PGPEP1L: variants seen among roughly 807,000 people sequenced by gnomAD.
The protein encoded by PGPEP1L is pyroglutamyl-peptidase I like, also known as pyroglutamyl-peptidase 1-like protein.
In PGPEP1L, 7 loss-of-function variants were observed where a neutral mutation model predicts 6.0. That is an observed-to-expected ratio of 1.17 (90% CI 0.66 to 2.19). PGPEP1L has a LOEUF of 2.19. PGPEP1L is among the 30% of genes most tolerant of loss of function. The probability of loss-of-function intolerance (pLI) is 0.00; values close to 1 mark genes in which losing one functional copy is unlikely to be tolerated. For synonymous variants in PGPEP1L, 103 were observed against 83.9 expected (o/e 1.23, Z -1.24); for missense variants, 209 against 192.5 (o/e 1.09, Z -0.51).
chr15:98,996,631 GTT>G (rs549468497), intron 2 of PGPEP1L, among the ~76,000 whole-genome samples: 320 of 151,656 alleles, frequency 2.1e-3, no homozygotes, highest in African/African-American at 7.4e-3. Flanking sequence ...GTGTATGTGT[GTT>G]GTGTGCATGT....
In PGPEP1L at chr15:98,993,123, AAG is replaced by A. The variant is rs1237956978; in HGVS notation, c.-142+12304_-142+12305del. ...TGACAAATGGGATCTAATTAAACTA[AAG>A]AGATTCAGCATAGCAAAAGAAACTA... On this transcript the variant is annotated intron_variant, in intron 2 of 4. Transcript: ENST00000535714. Among the ~76,000 whole-genome samples the A allele has an allele frequency of 2.6e-5, 4 of 152,356 alleles. No homozygotes were observed. The East Asian group carries it at 7.7e-4, about 29-fold the overall frequency.
intron 2 of PGPEP1L, among the ~76,000 whole-genome samples, chr15:98,987,158 T>C (rs2017757518): frequency 1.4e-5 from 1 of 72,564 alleles, no homozygotes; most frequent in African/African-American, 8.3e-5. Flanking sequence ...AGAGTGAGAC[T>C]CCATCTCAAA....
In PGPEP1L at chr15:98,977,642, G is replaced by A. The variant is rs548654359; in HGVS notation, c.-141-6484C>T. The stretch of plus-strand genomic sequence containing the variant: ...GCAAACACTGCATATGCACATATGA[G>A]AGTGTGTTCCATGCTGGGTGGAGTG... On this transcript the variant is annotated intron_variant, in intron 2 of 4. Coordinates refer to ENST00000535714, the MANE Select transcript of PGPEP1L (RefSeq NM_001167902.2). Among the ~76,000 whole-genome samples, 5 of 151,604 alleles carry A rather than the reference G, an allele frequency of 3.3e-5. No individual in the cohort carries two copies. The East Asian group carries it at 9.6e-4, about 29-fold the overall frequency.
At chr15:98,983,001 G>A (rs534775163) in intron 2 of PGPEP1L, among the ~76,000 whole-genome samples, 26 of 151,894 alleles carry the variant, frequency 1.7e-4, no homozygotes, top group Middle Eastern at 3.4e-3. Context: ...GTGAGCCACC[G>A]CACCCAGCCT....
At chr15:98,980,327 T>C (rs2017639666) in intron 2 of PGPEP1L, among the ~76,000 whole-genome samples, 3 of 151,908 alleles carry the variant, frequency 2.0e-5, no homozygotes, top group Admixed American at 2.0e-4. Flanking sequence ...TGTCCTAGGA[T>C]AGTAAAGGGA....
At position 98,972,794 on chromosome 15, in the gene PGPEP1L, C is replaced by A. The variant is rs1460862259; in HGVS notation, c.-141-1636G>T. Among the ~76,000 whole-genome samples the A allele has an allele frequency of 5.8e-5, 8 of 138,616 alleles. No individual in the cohort carries two copies. In the Admixed American group the frequency reaches 6.7e-4, roughly 12 times the overall value. 90.9% of individuals were successfully genotyped at this position (138,616 alleles called of 152,430 possible). A position where few individuals can be genotyped will look rare whatever the true frequency, so the allele number is the denominator to read the frequency against. The stretch of plus-strand genomic sequence containing the variant: ...GCTGAGGCAGGAGAATGGTGTGAAC[C>A]CAGGAGGCGGAGCTTGCAGTGAGCA... On this transcript the variant is annotated intron_variant, in intron 2 of 4. Transcript: ENST00000535714.
At chr15:98,981,473 G>C (rs759263742) in intron 2 of PGPEP1L, among the ~76,000 whole-genome samples, 7 of 139,396 alleles carry the variant, frequency 5.0e-5, no homozygotes, top group Admixed American at 7.7e-5. Context: ...CTGGGCAACA[G>C]AGCAAGACTC....
At chr15:99,002,125 C>T (rs782353279) in intron 2 of PGPEP1L, among the ~76,000 whole-genome samples, 6 of 152,130 alleles carry the variant, frequency 3.9e-5, no homozygotes, top group African/African-American at 9.7e-5. Context: ...GATCCTTCCA[C>T]GTCAGCCTCC....
chr15:98,984,547 G>C (rs1050454420), intron 2 of PGPEP1L, among the ~76,000 whole-genome samples: 3 of 152,108 alleles, frequency 2.0e-5, no homozygotes, highest in Non-Finnish European at 4.4e-5. Flanking sequence ...GCCCATCTAA[G>C]TCTATTTCTA....
Position 98,988,560 on chromosome 15 carries a change from G to A in PGPEP1L, c.-142+16869C>T, listed in dbSNP as rs550524222. On this transcript the variant is annotated intron_variant, in intron 2 of 4. Transcript: ENST00000535714. ...CCTGGGGGAAGGGGCAGCTGTGGGC[G>A]CAGCTTCAGCAGACTTCAACGTCCC... Among the ~76,000 whole-genome samples, 153 of 152,314 alleles carry A rather than the reference G, an allele frequency of 1.0e-3. 2 individuals carry two copies. Among genetic ancestry groups the A allele is most frequent in the African/African-American group, 3.4e-3 (140 of 41,574 alleles).
chr15:98,996,416 C>T (rs550665931), intron 2 of PGPEP1L, among the ~76,000 whole-genome samples: 310 of 152,302 alleles, frequency 2.0e-3, no homozygotes, highest in Non-Finnish European at 3.2e-3. Flanking sequence ...ATGAAACTCA[C>T]CCTCACCTGT....
At chr15:98,981,652 A>C (rs1337865472) in intron 2 of PGPEP1L, among the ~76,000 whole-genome samples, 1 of 152,190 alleles carries the variant, frequency 6.6e-6, no homozygotes, top group Non-Finnish European at 1.5e-5. Flanking sequence ...GGGGAAACTG[A>C]GGGAACCCAA....
At position 98,972,617 on chromosome 15, in the gene PGPEP1L, G is replaced by A. The variant is rs146759995; in HGVS notation, c.-141-1459C>T. Among the ~76,000 whole-genome samples, 44 of 151,742 alleles carry A rather than the reference G, an allele frequency of 2.9e-4. 1 individual carries two copies. In the East Asian group the frequency reaches 4.5e-3, roughly 15 times the overall value. ...GGCACAGTGGCTCACGCCTGTAATCGCAGCACTTTGGGACACCATGGTGGG... is the reference window on the plus strand; with the variant it reads ...GGCACAGTGGCTCACGCCTGTAATCACAGCACTTTGGGACACCATGGTGGG... On this transcript the variant is annotated intron_variant, in intron 2 of 4. Transcript: ENST00000535714.
chr15:99,002,317 A>G (rs1273003236), intron 2 of PGPEP1L, among the ~76,000 whole-genome samples: 1 of 152,200 alleles, frequency 6.6e-6, no homozygotes, highest in African/African-American at 2.4e-5. Context: ...TTTGTAAAAT[A>G]AAATGATTAT....
chr15:99,003,603 TGAG>T (rs1271446945), intron 2 of PGPEP1L, among the ~76,000 whole-genome samples: 20 of 152,104 alleles, frequency 1.3e-4, no homozygotes, highest in East Asian at 3.9e-4. Flanking sequence ...CCAATTGTCT[TGAG>T]GAGATTTACA....
chr15:98,972,384 A>C (rs1352615494), intron 2 of PGPEP1L, among the ~76,000 whole-genome samples: 1 of 151,460 alleles, frequency 6.6e-6, no homozygotes, highest in Admixed American at 6.6e-5. Context: ...ATAAATAAAT[A>C]AATAAATAAA....
At chr15:99,005,958 C>T (rs2018051570) in intron 1 of PGPEP1L, among the ~76,000 whole-genome samples, 1 of 151,558 alleles carries the variant, frequency 6.6e-6, no homozygotes, top group African/African-American at 2.4e-5. Context: ...CTGCCAGAGC[C>T]CCTCATTGTG....
At chr15:99,006,348 T>C (rs2018061644) in intron 1 of PGPEP1L, among the ~76,000 whole-genome samples, 1 of 152,358 alleles carries the variant, frequency 6.6e-6, no homozygotes, top group South Asian at 2.1e-4. Flanking sequence ...TTCTTGACAC[T>C]GTGCTGGACT....
intron 2 of PGPEP1L, among the ~76,000 whole-genome samples, chr15:98,993,966 G>A (rs1215522578): frequency 2.6e-5 from 4 of 152,114 alleles, no homozygotes; most frequent in African/African-American, 9.7e-5. Flanking sequence ...AGAATACAAG[G>A]ACCTTAAAAA....
Sources: gnomAD v4.1 joint callset for allele counts (sites outside exome capture counted in the v4.1 genomes callset) on GRCh38, gnomAD v4.1.1 for gene constraint, MANE v1.5 for transcripts, NCBI Gene and HGNC (gene_info 2026-07-23, HGNC 2026-07-21) for gene names.